Variants in NEBL observed in about 807,000 individuals in gnomAD.
NEBL encodes nebulette, also known as LIM and SH3 protein 2.
A neutral mutation model predicts 140.2 loss-of-function variants in NEBL; 122 were observed. That is an observed-to-expected ratio of 0.87 (90% CI 0.75 to 1.01). The LOEUF (loss-of-function observed/expected upper bound fraction) is 1.01, where lower values mean the gene tolerates loss of function less well. Among genes scored for constraint, NEBL ranks in the 50% least tolerant of loss-of-function variants. NEBL has a pLI of 0.00. For missense variants in NEBL, 1,365 were observed against 1,231.3 expected (o/e 1.11, Z -1.62); for synonymous variants, 436 against 398.9 (o/e 1.09, Z -1.11).
chr10:21,177,034 T>A (rs1022803692), upstream of NEBL, among the ~76,000 whole-genome samples: 1 of 152,208 alleles, frequency 6.6e-6, no homozygotes, highest in African/African-American at 2.4e-5. Flanking sequence ...CAGAGTGTGA[T>A]GGATAGTATG....
intron 4 of NEBL, among the ~76,000 whole-genome samples, chr10:20,906,702 A>G (rs1303596949): frequency 2.0e-5 from 3 of 152,058 alleles, no homozygotes; most frequent in Non-Finnish European, 4.4e-5. Context: ...TGTTATACCA[A>G]TGAATGAAGA....
intron 4 of NEBL, among the ~76,000 whole-genome samples, chr10:20,952,830 C>T (rs1229610741): frequency 1.5e-5 from 2 of 136,232 alleles, no homozygotes; most frequent in African/African-American, 2.7e-5. Context: ...ACTTGAACCC[C>T]GGAGGTGGAG....
At chr10:20,792,449 G>A (rs1454261918) in intron 26 of NEBL, among the ~76,000 whole-genome samples, 2 of 152,164 alleles carry the variant, frequency 1.3e-5, no homozygotes, top group African/African-American at 4.8e-5. Flanking sequence ...AGAGAAAGTA[G>A]GACTATGCTG....
At chr10:20,789,044 A>G (rs1055869632) in intron 26 of NEBL, among the ~76,000 whole-genome samples, 2 of 152,194 alleles carry the variant, frequency 1.3e-5, no homozygotes, top group Admixed American at 6.5e-5. Context: ...TGCCAGGAAG[A>G]AAAGGGGTGA....
At chr10:21,208,191 A>G (rs771557307) in intron 3 of NEBL, among the ~76,000 whole-genome samples, 2 of 152,214 alleles carry the variant, frequency 1.3e-5, no homozygotes, top group Non-Finnish European at 2.9e-5. Context: ...GGTAAGATGG[A>G]TGAAATCATC....
At chr10:21,043,448 C>T (rs1834358168) in intron 2 of NEBL, among the ~76,000 whole-genome samples, 1 of 152,304 alleles carries the variant, frequency 6.6e-6, no homozygotes, top group South Asian at 2.1e-4. Flanking sequence ...GAATGCTAAA[C>T]TTTCTCATTT....
chr10:21,152,103 C>T (rs1046725007), intron 2 of NEBL, among the ~76,000 whole-genome samples: 18 of 152,106 alleles, frequency 1.2e-4, no homozygotes, highest in African/African-American at 4.1e-4. Context: ...AGTGCATTTC[C>T]GCTATCCGGA....
At chr10:20,980,201 G>A (rs574073840) in intron 3 of NEBL, among the ~76,000 whole-genome samples, 2 of 152,210 alleles carry the variant, frequency 1.3e-5, no homozygotes, top group African/African-American at 2.4e-5. Context: ...ATACAGTGTT[G>A]GAGTTGGTAT....
intron 20 of NEBL, chr10:20,818,852 G>A: frequency 3.0e-6 from 3 of 990,666 alleles, no homozygotes; most frequent in Non-Finnish European, 3.6e-6. Context: ...AAGGAAATGT[G>A]AAAAGGAACA....
At chr10:21,049,741 C>T (rs574598428) in intron 2 of NEBL, among the ~76,000 whole-genome samples, 1 of 152,322 alleles carries the variant, frequency 6.6e-6, no homozygotes, top group South Asian at 2.1e-4. Flanking sequence ...ACTGCAGTGA[C>T]ATCCCCTTCT....
In NEBL at chr10:20,807,427, TATA is replaced by T. The variant is rs1338579729; in HGVS notation, c.2761+1080_2761+1082del. Among the ~76,000 whole-genome samples the T allele has an allele frequency of 2.0e-5, 3 of 152,256 alleles. No homozygotes were observed. In the South Asian group the frequency reaches 6.2e-4, roughly 31 times the overall value. ...TTTACCCACAATAAAACAACCAGTT[TATA>T]ATGATTTCATTAGTTACACAAAAAG... On this transcript the variant is annotated intron_variant, in intron 26 of 27. Coordinates refer to ENST00000377122, the MANE Select transcript of NEBL (RefSeq NM_006393.3).
At chr10:21,259,041 G>A (rs1842701880) in intron 1 of NEBL, among the ~76,000 whole-genome samples, 1 of 151,712 alleles carries the variant, frequency 6.6e-6, no homozygotes, top group East Asian at 1.9e-4. Context: ...CCCAGTAGTG[G>A]TGATACTTGG....
At chr10:20,909,524 C>A (rs1848242037) in intron 4 of NEBL, among the ~76,000 whole-genome samples, 1 of 152,042 alleles carries the variant, frequency 6.6e-6, no homozygotes, top group Admixed American at 6.6e-5. Context: ...ATAGAGCCTG[C>A]CTTTTCTACA....
At chr10:20,856,691 G>C (rs1843114519) in intron 9 of NEBL, among the ~76,000 whole-genome samples, 1 of 152,082 alleles carries the variant, frequency 6.6e-6, no homozygotes, top group South Asian at 2.1e-4. Flanking sequence ...AAGTGTCCTG[G>C]AACTGACTGC....
intron 26 of NEBL, among the ~76,000 whole-genome samples, chr10:20,790,229 A>T (rs923146785): frequency 6.6e-6 from 1 of 152,058 alleles, no homozygotes; most frequent in Non-Finnish European, 1.5e-5. Context: ...ATTAGTTATT[A>T]AAAAGTTTCT....
chr10:21,167,748 A>G (rs1278650516), intron 2 of NEBL, among the ~76,000 whole-genome samples: 3 of 152,258 alleles, frequency 2.0e-5, no homozygotes, highest in Non-Finnish European at 4.4e-5. Flanking sequence ...TTAGCTTGGC[A>G]TATAAATTCA....
intron 2 of NEBL, among the ~76,000 whole-genome samples, chr10:21,168,341 C>T (rs1392186904): frequency 1.3e-5 from 2 of 152,092 alleles, no homozygotes; most frequent in Non-Finnish European, 2.9e-5. Context: ...AAAGGTTCTT[C>T]ATTTAATTAT....
intron 2 of NEBL, among the ~76,000 whole-genome samples, chr10:21,071,043 T>G (rs1400123900): frequency 1.3e-5 from 2 of 150,934 alleles, no homozygotes; most frequent in Non-Finnish European, 1.5e-5. Flanking sequence ...TGTGGTGGCG[T>G]GTGCCTGTAG....
intron 2 of NEBL, among the ~76,000 whole-genome samples, chr10:21,109,849 ATTAACT>A (rs1332663881): frequency 6.6e-6 from 1 of 151,990 alleles, no homozygotes; most frequent in Non-Finnish European, 1.5e-5. Flanking sequence ...AAACTTTATC[ATTAACT>A]TTATCATTTT....
Sources: gnomAD v4.1 joint callset for allele counts (sites outside exome capture counted in the v4.1 genomes callset) on GRCh38, gnomAD v4.1.1 for gene constraint, MANE v1.5 for transcripts, NCBI Gene and HGNC (gene_info 2026-07-23, HGNC 2026-07-21) for gene names.